RBFOX2: variants seen among roughly 807,000 people sequenced by gnomAD.
RBFOX2 encodes RNA binding fox-1 homolog 2, also known as RNA binding protein fox-1 homolog 2.
A neutral mutation model predicts 49.1 loss-of-function variants in RBFOX2; 10 were observed. The observed-to-expected ratio is 0.20, with a 90% CI of 0.13 to 0.35. The LOEUF is 0.35. Among genes scored for constraint, RBFOX2 ranks in the 10% least tolerant of loss-of-function variants. The pLI, the probability that RBFOX2 is intolerant of heterozygous loss-of-function variation, is 1.00. For synonymous variants in RBFOX2, 183 were observed against 187.4 expected (o/e 0.98, Z 0.19); for missense variants, 323 against 486.9 (o/e 0.66, Z 3.17).
exon 12 of RBFOX2, chr22:35,741,452 C>T (rs746839830): frequency 7.2e-5 from 11 of 152,316 alleles, no homozygotes; most frequent in East Asian, 1.9e-4. Context: ...AGTGCTGCTT[C>T]GAGCAACCTG....
intron 1 of RBFOX2, among the ~76,000 whole-genome samples, chr22:35,849,706 C>G (rs573762087): frequency 3.3e-5 from 5 of 152,276 alleles, no homozygotes; most frequent in African/African-American, 1.2e-4. Context: ...TCCAAAGGAA[C>G]TAGGTAGCAC....
intron 1 of RBFOX2, among the ~76,000 whole-genome samples, chr22:35,857,908 T>C (rs1418914602): frequency 6.6e-6 from 1 of 152,246 alleles, no homozygotes; most frequent in Non-Finnish European, 1.5e-5. Context: ...CTGTTTCTTT[T>C]CTTCGATCTC....
chr22:36,022,174 G>A (rs538216126), intron 1 of RBFOX2, among the ~76,000 whole-genome samples: 164 of 152,240 alleles, frequency 1.1e-3, no homozygotes, highest in African/African-American at 3.8e-3. Flanking sequence ...AATTATTAAA[G>A]CCTGACATCA....
chr22:35,884,637 G>T lies in RBFOX2; in HGVS notation c.-34+54210C>A, dbSNP rs1396114146. The stretch of plus-strand genomic sequence containing the variant: ...GCAAGCACCCAAGATAAAAGCCACA[G>T]TCTCTTTGTAACCAAATCTTAGAAG... On this transcript the variant is annotated intron_variant, in intron 1 of 13. Coordinates refer to the RBFOX2 transcript ENST00000359369. 2.0e-5 allele frequency among the ~76,000 whole-genome samples: 3 copies of T among 152,148 alleles called. No individual in the cohort carries two copies. The East Asian group carries it at 5.8e-4, about 29-fold the overall frequency.
intron 1 of RBFOX2, among the ~76,000 whole-genome samples, chr22:36,013,807 C>T (rs1899142176): frequency 6.6e-6 from 1 of 151,930 alleles, no homozygotes; most frequent in South Asian, 2.1e-4. Flanking sequence ...GGGGGGATAA[C>T]AGACAAATTA....
intron 1 of RBFOX2, chr22:35,822,739 C>G (rs1453943696): frequency 2.5e-6 from 1 of 401,966 alleles, no homozygotes; most frequent in Non-Finnish European, 4.8e-6. Context: ...ATATCTAACA[C>G]ACACACAAAA....
chr22:35,858,027 A>G (rs2042699112), intron 1 of RBFOX2, among the ~76,000 whole-genome samples: 1 of 152,238 alleles, frequency 6.6e-6, no homozygotes, highest in South Asian at 2.1e-4. Context: ...ATTTAGAAAT[A>G]AATGACTGAA....
intron 1 of RBFOX2, among the ~76,000 whole-genome samples, chr22:35,864,985 G>T (rs1228253520): frequency 6.6e-6 from 1 of 152,198 alleles, no homozygotes; most frequent in Admixed American, 6.5e-5. Context: ...TTAGGTTTAA[G>T]AATACAGAAC....
At chr22:35,920,087 A>G (rs1285157719) in intron 1 of RBFOX2, among the ~76,000 whole-genome samples, 2 of 152,230 alleles carry the variant, frequency 1.3e-5, no homozygotes, top group African/African-American at 4.8e-5. Flanking sequence ...CGACAGCATA[A>G]AAGCACAGGT....
At chr22:35,752,471 A>C (rs777620024) in intron 9 of RBFOX2, 19 of 281,580 alleles carry the variant, frequency 6.7e-5, no homozygotes, top group Non-Finnish European at 9.6e-5. Flanking sequence ...AGCAGGGCTT[A>C]GATCACACGC....
intron 1 of RBFOX2, among the ~76,000 whole-genome samples, chr22:35,925,764 C>T (rs1203257812): frequency 2.0e-5 from 3 of 152,090 alleles, no homozygotes; most frequent in Admixed American, 2.0e-4. Flanking sequence ...GTACCTTACA[C>T]AAAACAGAAG....
At chr22:36,004,423 C>G (rs1340396579) in intron 1 of RBFOX2, among the ~76,000 whole-genome samples, 4 of 152,062 alleles carry the variant, frequency 2.6e-5, no homozygotes. Flanking sequence ...TACCTGAACC[C>G]ATTCATCTCA....
chr22:36,007,929 T>C (rs536165152), intron 1 of RBFOX2, among the ~76,000 whole-genome samples: 9 of 152,310 alleles, frequency 5.9e-5, no homozygotes, highest in African/African-American at 9.6e-5. Flanking sequence ...ATTTAGCAGA[T>C]TTCCTGTCAA....
intron 1 of RBFOX2, among the ~76,000 whole-genome samples, chr22:35,973,912 C>T (rs2057011683): frequency 6.6e-6 from 1 of 152,204 alleles, no homozygotes; most frequent in South Asian, 2.1e-4. Flanking sequence ...TGTTAAACTT[C>T]CCCTCTCTAC....
At chr22:35,789,926 T>C (rs1947264575) in intron 2 of RBFOX2, among the ~76,000 whole-genome samples, 1 of 152,042 alleles carries the variant, frequency 6.6e-6, no homozygotes, top group Admixed American at 6.6e-5. Flanking sequence ...TCTGAGTGGG[T>C]GGAGTGGAGG....
intron 3 of RBFOX2, among the ~76,000 whole-genome samples, chr22:35,778,952 G>T (rs1602596193): frequency 6.6e-6 from 1 of 152,120 alleles, no homozygotes; most frequent in Non-Finnish European, 1.5e-5. Flanking sequence ...ACAACTATCC[G>T]AATCAATATA....
chr22:35,792,439 A>T (rs1947940082), intron 2 of RBFOX2, among the ~76,000 whole-genome samples: 1 of 152,158 alleles, frequency 6.6e-6, no homozygotes, highest in Admixed American at 6.5e-5. Context: ...CAAAATTTGC[A>T]CAAAAGTGAA....
intron 1 of RBFOX2, among the ~76,000 whole-genome samples, chr22:35,884,486 C>CA (rs2046323758): frequency 6.6e-6 from 1 of 152,088 alleles, no homozygotes; most frequent in African/African-American, 2.4e-5. Context: ...ATCAAGGATC[C>CA]ACCACCAAAC....
chr22:35,761,065 G>T (rs1263936731), intron 8 of RBFOX2, 137 bp downstream of exon 9: 15 of 708,900 alleles, frequency 2.1e-5, no homozygotes, highest in Non-Finnish European at 3.5e-5. Flanking sequence ...GCAGGACAGG[G>T]CACTGGGATA....
Sources: allele counts gnomAD v4.1 joint callset (sites outside exome capture counted in the v4.1 genomes callset), GRCh38; gene constraint gnomAD v4.1.1; transcripts MANE v1.5; gene names NCBI Gene and HGNC (gene_info 2026-07-23, HGNC 2026-07-21).